ASRGL1: variants seen among roughly 807,000 people sequenced by gnomAD.
The protein encoded by ASRGL1 is asparaginase and isoaspartyl peptidase 1, also known as isoaspartyl peptidase/L-asparaginase.
In ASRGL1, 16 loss-of-function variants were observed where a neutral mutation model predicts 22.4. The ratio of observed to expected loss-of-function variants is 0.71; its 90% CI spans 0.48 to 1.08. ASRGL1 has a LOEUF of 1.08. Among genes scored for constraint, ASRGL1 ranks in the 50% least tolerant of loss-of-function variants. The pLI is 0.00. For synonymous variants in ASRGL1, 165 were observed against 159.3 expected, an observed-to-expected ratio of 1.04 and a Z score of -0.27; for missense variants, 412 against 410.1, an observed-to-expected ratio of 1.00 and a Z score of -0.04.
intron 4 of ASRGL1, among the ~76,000 whole-genome samples, chr11:62,368,047 A>G (rs1946664179): frequency 1.3e-5 from 2 of 152,276 alleles, no homozygotes; most frequent in African/African-American, 4.8e-5. Flanking sequence ...TTAGGGTTAC[A>G]GTAGCTCCCC....
chr11:62,348,945 T>G (rs1946102204), intron 2 of ASRGL1, among the ~76,000 whole-genome samples: 1 of 150,478 alleles, frequency 6.6e-6, no homozygotes, highest in Non-Finnish European at 1.5e-5. Flanking sequence ...TCCCCCAGCT[T>G]GATGAACTTT....
intron 4 of ASRGL1, among the ~76,000 whole-genome samples, chr11:62,384,408 A>C (rs1222670553): frequency 6.6e-6 from 1 of 151,906 alleles, no homozygotes; most frequent in Non-Finnish European, 1.5e-5. Context: ...GGGAGGCTGA[A>C]GCAGAGAATT....
intron 1 of ASRGL1, 107 bp downstream of exon 1, chr11:62,337,681 G>A (rs1945754462): frequency 5.6e-6 from 2 of 355,372 alleles, no homozygotes; most frequent in East Asian, 8.9e-5. Flanking sequence ...CTCCTTCGGC[G>A]CCGGGGCTTG....
At chr11:62,352,351 C>T (rs1468843274) in intron 2 of ASRGL1, among the ~76,000 whole-genome samples, 2 of 152,040 alleles carry the variant, frequency 1.3e-5, no homozygotes, top group Non-Finnish European at 2.9e-5. Context: ...TTTGGGAGGC[C>T]GAGGTGGGTG....
chr11:62,338,000 A>G lies in ASRGL1; in HGVS notation c.23A>G (p.His8Arg). Residue 8 changes from histidine (H) to arginine (R), a missense_variant, in exon 2 of 7, where the codon CAC becomes CGC. Transcript: ENST00000415229. MNPIVVVHGGGAGPISKD... is the reference protein window; with the variant it reads MNPIVVVRGGGAGPISKD... ...GACATGAATCCCATCGTAGTGGTCCACGGCGGCGGAGCCGGTCCCATCTCC... is the reference window on the plus strand; with the variant it reads ...GACATGAATCCCATCGTAGTGGTCCGCGGCGGCGGAGCCGGTCCCATCTCC... 2 of 1,602,568 alleles carry G rather than the reference A, an allele frequency of 1.2e-6. No individual in the cohort carries two copies. The highest frequency in any genetic ancestry group is 1.7e-5 in the Admixed American group (1 of 58,252).
At chr11:62,399,899 G>A in the ASRGL1 span, among the ~76,000 whole-genome samples, 5 of 152,138 alleles carry the variant, frequency 3.3e-5, no homozygotes, top group East Asian at 1.9e-4. Context: ...GAGGCTGCCC[G>A]TGGCGGCCAC....
At chr11:62,340,485 A>G (rs1945837162) in intron 2 of ASRGL1, among the ~76,000 whole-genome samples, 2 of 152,156 alleles carry the variant, frequency 1.3e-5, no homozygotes, top group African/African-American at 4.8e-5. Flanking sequence ...CAGGACCTTC[A>G]TTTGAAATGG....
intron 4 of ASRGL1, among the ~76,000 whole-genome samples, chr11:62,377,063 G>A (rs1946950122): frequency 6.6e-6 from 1 of 152,178 alleles, no homozygotes; most frequent in Admixed American, 6.5e-5. Flanking sequence ...ACTTGACACT[G>A]GGTGCAATGT....
intron 4 of ASRGL1, among the ~76,000 whole-genome samples, chr11:62,357,988 T>G (rs1418046795): frequency 6.6e-6 from 1 of 152,172 alleles, no homozygotes; most frequent in Non-Finnish European, 1.5e-5. Flanking sequence ...TTTAAATAGA[T>G]CTGAGGTGGA....
At chr11:62,362,639 A>C (rs1027955861) in intron 4 of ASRGL1, among the ~76,000 whole-genome samples, 1 of 21,192 alleles carries the variant, frequency 4.7e-5, no homozygotes, top group Non-Finnish European at 9.9e-5. Flanking sequence ...AAATATATAT[A>C]ATATATAATA....
chr11:62,385,824 A>T lies in ASRGL1; in HGVS notation c.492-3309A>T, dbSNP rs181046996. Among the ~76,000 whole-genome samples the T allele has an allele frequency of 4.6e-3, 698 of 152,318 alleles. 10 individuals carry two copies. Among genetic ancestry groups the T allele is most frequent in the African/African-American group, 0.016 (669 of 41,574 alleles). ...GATTGCAGTGAGCCAAGATCACGCC[A>T]TTGCACTCCAGCATGGGCAACAAGA... On this transcript the variant is annotated intron_variant, in intron 4 of 6. Transcript: ENST00000415229.
intron 2 of ASRGL1, among the ~76,000 whole-genome samples, chr11:62,340,570 A>G (rs1461620162): frequency 6.6e-6 from 1 of 152,298 alleles, no homozygotes; most frequent in East Asian, 1.9e-4. Context: ...AGATTAGGGA[A>G]TTGGAGCAGC....
Position 62,392,325 on chromosome 11 carries a change from A to G in ASRGL1, c.*41A>G, listed in dbSNP as rs1011438971. 7 of 1,603,268 alleles carry G rather than the reference A, an allele frequency of 4.4e-6. No individual in the cohort carries two copies. The Admixed American group carries it at 5.0e-5, about 11-fold the overall frequency. ...TATTCCAGATGCTAGCTTAGAGGTCAAGTACAGTCTCCTCATGAGACATAG... is the reference window on the plus strand; with the variant it reads ...TATTCCAGATGCTAGCTTAGAGGTCGAGTACAGTCTCCTCATGAGACATAG... On this transcript the variant is annotated 3_prime_UTR_variant, in exon 7 of 7. Coordinates refer to ENST00000415229, the MANE Select transcript of ASRGL1 (RefSeq NM_001083926.2).
At chr11:62,371,585 A>G (rs1030739970) in intron 4 of ASRGL1, 1 of 683,304 alleles carries the variant, frequency 1.5e-6, no homozygotes, top group East Asian at 3.4e-5. Context: ...GGCCACAGGG[A>G]CTTCCTCACA....
chr11:62,338,038 G>T lies in ASRGL1; in HGVS notation c.61G>T (p.Glu21Ter). 6.2e-7 allele frequency: 1 copy of T among 1,608,510 alleles called. No individual in the cohort carries two copies. The highest frequency in any genetic ancestry group is 2.2e-5 in the East Asian group (1 of 44,648). Residue 21 changes from glutamate (E) to a stop codon, truncating the protein, a stop_gained, in exon 2 of 7, where the codon GAG becomes TAG. Transcript: ENST00000415229. LOFTEE classifies it high-confidence loss of function. ...GAGPISKDRK[E>*]RVHQGMVRAA... ...CGGTCCCATCTCCAAGGATCGGAAG[G>T]AGCGAGTGCACCAGGGCATGGTCAG...
intron 2 of ASRGL1, among the ~76,000 whole-genome samples, chr11:62,355,626 T>C (rs1034945217): frequency 6.6e-6 from 1 of 151,716 alleles, no homozygotes; most frequent in African/African-American, 2.4e-5. Context: ...TAAATTCTTT[T>C]TTTTTTTTTT....
At chr11:62,348,152 G>C (rs564619050) in intron 2 of ASRGL1, among the ~76,000 whole-genome samples, 10 of 152,286 alleles carry the variant, frequency 6.6e-5, no homozygotes, top group Admixed American at 1.3e-4. Context: ...GCCATTTCAC[G>C]TAGAGGACTT....
At chr11:62,388,677 A>G (rs1042318738) in intron 4 of ASRGL1, among the ~76,000 whole-genome samples, 1 of 151,074 alleles carries the variant, frequency 6.6e-6, no homozygotes, top group Non-Finnish European at 1.5e-5. Flanking sequence ...CTCAAAAAAA[A>G]AAAAAAAAAA....
chr11:62,362,446 C>G (rs1946456276), intron 4 of ASRGL1, among the ~76,000 whole-genome samples: 1 of 121,456 alleles, frequency 8.2e-6, no homozygotes, highest in Non-Finnish European at 1.6e-5. Context: ...TTTAACAAAA[C>G]TGTAACCAAA....
Sources: gnomAD v4.1 joint callset for allele counts (sites outside exome capture counted in the v4.1 genomes callset) on GRCh38, gnomAD v4.1.1 for gene constraint, MANE v1.5 for transcripts, NCBI Gene and HGNC (gene_info 2026-07-23, HGNC 2026-07-21) for gene names.